SCN2A: variants seen among roughly 807,000 people sequenced by gnomAD.
The protein encoded by SCN2A is sodium channel protein type 2 subunit alpha.
A neutral mutation model predicts 188.7 loss-of-function variants in SCN2A; 20 were observed. The ratio of observed to expected loss-of-function variants is 0.11; its 90% confidence interval spans 0.07 to 0.15. SCN2A has a LOEUF of 0.15. Ranked by LOEUF, SCN2A falls within the 10% of genes least tolerant of loss-of-function variation. The probability of loss-of-function intolerance (pLI) is 1.00; values close to 1 mark genes in which losing one functional copy is unlikely to be tolerated. For missense variants in SCN2A, 1,278 were observed against 2,445.0 expected, an observed-to-expected ratio of 0.52 and a Z score of 10.07; for synonymous variants, 804 against 833.1, an observed-to-expected ratio of 0.97 and a Z score of 0.60.
At chr2:165,365,358 A>G (rs1700667709) in intron 18 of SCN2A, 95 bp downstream of exon 18, 3 of 1,370,606 alleles carry the variant, frequency 2.2e-6, no homozygotes, top group African/African-American at 3.1e-5. Flanking sequence ...TCTACCATCT[A>G]TTATCTATCT....
At chr2:165,338,109 T>G (rs1699097573) in intron 14 of SCN2A, among the ~76,000 whole-genome samples, 1 of 152,254 alleles carries the variant, frequency 6.6e-6, no homozygotes, top group African/African-American at 2.4e-5. Context: ...TTCTTTGTGT[T>G]CCTGTGAACT....
rs548010494 is a variant in SCN2A at position 165,357,343 on chromosome 2, T to C, written c.3399+2672T>C. Among the ~76,000 whole-genome samples the C allele has an allele frequency of 5.1e-4, 77 of 152,306 alleles. 1 individual carries two copies. The South Asian group carries it at 0.011, about 21-fold the overall frequency. On this transcript the variant is annotated intron_variant, in intron 17 of 26. Transcript: ENST00000375437. Reference sequence around the variant, plus strand: ...GATTACATTGTTAAATATCACAAAGTAGTAAGAAACATCATGAGGCTTATT... The same window carrying C: ...GATTACATTGTTAAATATCACAAAGCAGTAAGAAACATCATGAGGCTTATT...
chr2:165,290,657 T>G (rs1291062115), intron 1 of SCN2A: 1 of 371,272 alleles, frequency 2.7e-6, no homozygotes, highest in Non-Finnish European at 3.7e-6. Flanking sequence ...GTTGGTATAT[T>G]GCTGAGCACA....
At chr2:165,291,035 C>CTTTTTTTTTTTTTTTTTTTTTTTTTTTTT (rs55979694) in intron 1 of SCN2A, among the ~76,000 whole-genome samples, 1 of 79,946 alleles carries the variant, frequency 1.3e-5, no homozygotes, top group African/African-American at 4.5e-5. Context: ...TCTTTTCTTT[C>CTTTTTTTTTTTTTTTTTTTTTTTTTTTTT]TTTTTTTTTT....
chr2:165,365,400 G>C, intron 18 of SCN2A, 137 bp downstream of exon 18: 1 of 787,614 alleles, frequency 1.3e-6, no homozygotes, highest in Non-Finnish European at 2.0e-6. Context: ...TATCTATCTA[G>C]TAATCATCTA....
At chr2:165,366,628 C>T (rs917002718) in intron 18 of SCN2A, among the ~76,000 whole-genome samples, 10 of 149,944 alleles carry the variant, frequency 6.7e-5, no homozygotes, top group African/African-American at 2.5e-4. Context: ...GCAGGAGAAT[C>T]GCTTGAACCT....
chr2:165,372,988 G>C lies in SCN2A; in HGVS notation c.3850-237G>C, dbSNP rs372172410. On this transcript the variant is annotated intron_variant, in intron 20 of 26. Transcript: ENST00000375437. ...ACATATATGGGCTTCTTTTTTATAA[G>C]TGTTCGCAGACTAGTATCATTAACT... 45 of 403,532 alleles carry C rather than the reference G, an allele frequency of 1.1e-4. No homozygotes were observed. In the Middle Eastern group the frequency reaches 3.0e-3, roughly 27 times the overall value. 25.0% of individuals were successfully genotyped at this position (403,532 alleles called of 1,614,324 possible). A position where few individuals can be genotyped will look rare whatever the true frequency, so the allele number is the denominator to read the frequency against.
chr2:165,347,797 T>G (rs2105324779), intron 16 of SCN2A, among the ~76,000 whole-genome samples: 1 of 152,268 alleles, frequency 6.6e-6, no homozygotes, highest in East Asian at 1.9e-4. Context: ...AAACCTTGCT[T>G]TACAATAGGA....
chr2:165,389,326 T>A lies in SCN2A; in HGVS notation c.5520T>A (p.Ile1840=), dbSNP rs1279372118. The change falls in exon 27 of 27, where the codon ATT becomes ATA. Residue 1840 remains isoleucine, a synonymous_variant. Coordinates refer to ENST00000375437, the MANE Select transcript of SCN2A (RefSeq NM_001040142.2). The surrounding 1 kb of genome is among the most constrained non-coding windows in gnomAD (Gnocchi z 4.2). ...LIAKPNKVQL[I]AMDLPMVSGD... ...CAAAACCCAACAAAGTCCAGCTCAT[T>A]GCCATGGATCTGCCCATGGTGAGTG... 5.0e-6 allele frequency: 8 copies of A among 1,613,968 alleles called. No homozygotes were observed. Among genetic ancestry groups the A allele is most frequent in the Non-Finnish European group, 6.8e-6 (8 of 1,179,998 alleles).
intron 16 of SCN2A, among the ~76,000 whole-genome samples, chr2:165,346,883 C>G (rs556533949): frequency 3.3e-5 from 5 of 152,232 alleles, no homozygotes; most frequent in African/African-American, 1.2e-4. Flanking sequence ...AAATCAAAAC[C>G]ACAATGAGAT....
rs1702102515 is a variant in SCN2A at position 165,391,014 on chromosome 2, A to G, written c.*1190A>G. The stretch of plus-strand genomic sequence containing the variant: ...ATTGCATCAAATATGTACCACAGTA[A>G]GTATAGTTTGCAAGCTTTCAACAGG... On this transcript the variant is annotated 3_prime_UTR_variant, in exon 27 of 27. Transcript: ENST00000375437. The G allele has an allele frequency of 6.6e-6, 1 of 152,606 alleles. No homozygotes were observed. The highest frequency in any genetic ancestry group is 2.1e-4 in the South Asian group (1 of 4,832). The allele number at this position is 152,606 out of a possible 1,614,324, so 9.5% of individuals were successfully genotyped here.
At chr2:165,325,167 AGACT>A (rs146664732) in intron 12 of SCN2A, among the ~76,000 whole-genome samples, 2,105 of 152,344 alleles carry the variant, frequency 0.014, 28 homozygotes, top group Non-Finnish European at 0.02. Context: ...GAATACAGAC[AGACT>A]GTCAGTCTGT....
intron 3 of SCN2A, among the ~76,000 whole-genome samples, chr2:165,299,952 A>G (rs1446172618): frequency 1.3e-5 from 2 of 152,212 alleles, no homozygotes; most frequent in Non-Finnish European, 2.9e-5. Flanking sequence ...GCTGTTATCT[A>G]TTAGGAGCTA....
chr2:165,273,151 T>C (rs1363487002), intron 1 of SCN2A: 1 of 152,176 alleles, frequency 6.6e-6, no homozygotes, highest in Admixed American at 6.5e-5. Context: ...AAATCTCTTA[T>C]AGCAATGTGC....
At chr2:165,341,881 A>G (rs897835047) in intron 14 of SCN2A, among the ~76,000 whole-genome samples, 4 of 152,208 alleles carry the variant, frequency 2.6e-5, no homozygotes, top group Non-Finnish European at 5.9e-5. Flanking sequence ...TACAGCTTAC[A>G]TGACATCTTA....
rs1160491617 is a variant in SCN2A, at chr2:165,354,661, A to C, written c.3389A>C (p.Glu1130Ala). The C allele has an allele frequency of 6.2e-6, 10 of 1,613,534 alleles. No homozygotes were observed. The highest frequency in any genetic ancestry group is 8.5e-6 in the Non-Finnish European group (10 of 1,179,942). The change falls in exon 17 of 27, where the codon GAA becomes GCA. Residue 1130 changes from glutamate (E) to alanine (A), a missense_variant. Physicochemically the swap from Glu to Ala is moderately radical, Grantham distance 107. Around this residue, in one of 17 missense-constraint regions of SCN2A, gnomAD observed 228 missense variants for 297.3 expected, o/e 0.77. Transcript: ENST00000375437. Reference sequence around the variant, plus strand: ...TTCAGCAGCGAGTCAGATATGGAGGAAAGCAAAGAGGTAAAAATGTTTAAA... The same window carrying C: ...TTCAGCAGCGAGTCAGATATGGAGGCAAGCAAAGAGGTAAAAATGTTTAAA... ...EEFSSESDME[E>A]SKEKLNATSS... is the part of the protein sequence containing the mutation.
intron 11 of SCN2A, among the ~76,000 whole-genome samples, chr2:165,316,311 G>A (rs1201342794): frequency 6.6e-6 from 1 of 152,172 alleles, no homozygotes; most frequent in Non-Finnish European, 1.5e-5. Context: ...AAAAAGTGGT[G>A]TTTAGTTGTA....
At chr2:165,270,829 G>C (rs1234425746) in intron 1 of SCN2A, 2 of 152,126 alleles carry the variant, frequency 1.3e-5, no homozygotes, top group African/African-American at 4.8e-5. Context: ...TCTCAATGCT[G>C]TTAACCTTTT....
At chr2:165,347,664 C>T (rs1186631980) in intron 16 of SCN2A, among the ~76,000 whole-genome samples, 1 of 152,052 alleles carries the variant, frequency 6.6e-6, no homozygotes, top group Non-Finnish European at 1.5e-5. Flanking sequence ...GTTGGGAAGG[C>T]ATGGGAAGAT....
Sources: allele counts gnomAD v4.1 joint callset (sites outside exome capture counted in the v4.1 genomes callset), GRCh38; gene constraint gnomAD v4.1.1; regional missense constraint gnomAD v4.1.1; non-coding constraint Gnocchi (gnomAD v3.1); transcripts MANE v1.5; gene names NCBI Gene and HGNC (gene_info 2026-07-23, HGNC 2026-07-21).